The following ANKHD1 variants were observed in gnomAD, a reference collection of about 807,000 sequenced individuals.
ANKHD1 encodes ankyrin repeat and KH domain-containing protein 1.
In ANKHD1, 31 loss-of-function variants were observed where a neutral mutation model predicts 230.5. The ratio of observed to expected loss-of-function variants is 0.13; its 90% CI spans 0.10 to 0.18. ANKHD1 has a LOEUF of 0.18. Among genes scored for constraint, ANKHD1 ranks in the 10% least tolerant of loss-of-function variants. The probability of loss-of-function intolerance (pLI) is 1.00; values close to 1 mark genes in which losing one functional copy is unlikely to be tolerated. For missense variants in ANKHD1, 2,256 were observed against 3,071.3 expected, an observed-to-expected ratio of 0.73 and a Z score of 6.27; for synonymous variants, 1,074 against 1,117.6, an observed-to-expected ratio of 0.96 and a Z score of 0.78.
In ANKHD1 at chr5:140,449,063, T is replaced by C. The variant is rs1295076138; in HGVS notation, c.1148-148T>C. ...GCCTGTATATTGCTTTGAATGGGCTTTGTAAAACTGTTACTGATTTATTTA... is the reference window on the plus strand; with the variant it reads ...GCCTGTATATTGCTTTGAATGGGCTCTGTAAAACTGTTACTGATTTATTTA... On this transcript the variant is annotated intron_variant, in intron 6 of 33. Transcript: ENST00000360839. The C allele has an allele frequency of 4.7e-6, 4 of 852,644 alleles. No individual in the cohort carries two copies. The East Asian group carries it at 1.1e-4, about 24-fold the overall frequency. The allele number at this position is 852,644 out of a possible 1,614,324, so 52.8% of individuals were successfully genotyped here.
At position 140,529,778 on chromosome 5, in the gene ANKHD1, G is replaced by A. The variant is rs1170355259; in HGVS notation, c.6832G>A (p.Val2278Ile). 3.7e-6 allele frequency: 6 copies of A among 1,613,974 alleles called. No homozygotes were observed. The highest frequency in any genetic ancestry group is 2.2e-5 in the East Asian group (1 of 44,884). The part of the protein sequence containing the change: ...APGFRPPSQR[V>I]STSPVGLPSI... ...TGGCTTCAGACCACCTTCCCAGCGA[G>A]TTTCTACTAGTCCAGTTGGTAAGTT... Residue 2278 changes from valine (V) to isoleucine (I), a missense_variant, in exon 29 of 34, where the codon GTT becomes ATT. Physicochemically the swap from Val to Ile is conservative, Grantham distance 29. Around this residue, in one of 13 missense-constraint regions of ANKHD1, gnomAD observed 778 missense variants for 966.5 expected, o/e 0.80. Transcript: ENST00000360839.
At chr5:140,461,318 C>G (rs546738845) in intron 9 of ANKHD1, among the ~76,000 whole-genome samples, 1 of 152,254 alleles carries the variant, frequency 6.6e-6, no homozygotes, top group Admixed American at 6.5e-5. Flanking sequence ...GATTTAGCTC[C>G]TTTTGCTTAT....
intron 1 of ANKHD1, among the ~76,000 whole-genome samples, chr5:140,426,026 A>G (rs10042299): frequency 0.4 from 61,469 of 152,036 alleles, 13,208 homozygotes; most frequent in East Asian, 0.55. Context: ...GGCCTATTCA[A>G]ATATACATAA....
intron 2 of ANKHD1, among the ~76,000 whole-genome samples, chr5:140,436,745 G>GAA (rs1170599052): frequency 3.0e-5 from 3 of 99,978 alleles, no homozygotes; most frequent in Non-Finnish European, 6.3e-5. Flanking sequence ...GACTCCGTCT[G>GAA]AAAAAAAAAA....
At chr5:140,427,448 G>A (rs1189638673) in intron 1 of ANKHD1, among the ~76,000 whole-genome samples, 2 of 131,894 alleles carry the variant, frequency 1.5e-5, no homozygotes, top group Admixed American at 7.3e-5. Context: ...TCTCCCGGAC[G>A]GGGCGGCTGG....
intron 10 of ANKHD1, chr5:140,472,314 G>T (rs751737090): frequency 6.2e-7 from 1 of 1,612,972 alleles, no homozygotes; most frequent in Non-Finnish European, 8.5e-7. Context: ...GGCCTTTGAT[G>T]CTTGTAAGCT....
At chr5:140,475,580 A>AG (rs397748819) in intron 10 of ANKHD1, among the ~76,000 whole-genome samples, 2 of 152,098 alleles carry the variant, frequency 1.3e-5, no homozygotes, top group Non-Finnish European at 2.9e-5. Flanking sequence ...ACTAAAAAAA[A>AG]GGGGGGAAAA....
At chr5:140,524,366 A>G (rs1753504837) in intron 25 of ANKHD1, 126 bp downstream of exon 25, 3 of 1,381,506 alleles carry the variant, frequency 2.2e-6, no homozygotes, top group South Asian at 1.9e-5. Context: ...GAAATGGACA[A>G]TGACTTTTAT....
intron 6 of ANKHD1, among the ~76,000 whole-genome samples, chr5:140,447,939 T>C (rs1774419109): frequency 6.6e-6 from 1 of 152,208 alleles, no homozygotes. Context: ...CATAGTCTTC[T>C]AGTCAGGTAT....
intron 1 of ANKHD1, among the ~76,000 whole-genome samples, chr5:140,419,824 T>C (rs1469603239): frequency 8.0e-6 from 1 of 125,658 alleles, no homozygotes; most frequent in Non-Finnish European, 1.7e-5. Context: ...CTTTCTTTCT[T>C]TCTTTCTTTC....
intron 9 of ANKHD1, among the ~76,000 whole-genome samples, chr5:140,462,760 G>T (rs936523089): frequency 3.3e-4 from 48 of 143,992 alleles, no homozygotes; most frequent in Admixed American, 1.1e-3. Context: ...AAAAATGTTT[G>T]TCTTTTTTTC....
At chr5:140,427,285 A>C (rs1253469320) in intron 1 of ANKHD1, among the ~76,000 whole-genome samples, 1 of 117,228 alleles carries the variant, frequency 8.5e-6, no homozygotes, top group Non-Finnish European at 1.8e-5. Flanking sequence ...TGACCCCCCC[A>C]CCTCCCTCCC....
intron 9 of ANKHD1, among the ~76,000 whole-genome samples, chr5:140,461,395 A>G (rs966882831): frequency 1.3e-5 from 2 of 152,210 alleles, no homozygotes; most frequent in Non-Finnish European, 2.9e-5. Flanking sequence ...TCACTACCTA[A>G]AAGTTTTTTT....
rs1386171705 is a variant in ANKHD1, at chr5:140,496,914, A to G, written c.2640A>G (p.Pro880=). 15 of 1,614,218 alleles carry G rather than the reference A, an allele frequency of 9.3e-6. No individual in the cohort carries two copies. The highest frequency in any genetic ancestry group is 1.1e-5 in the South Asian group (1 of 91,080). ...AGTGCTCTCATAGAGGAGTCTTCCC[A>G]GAAGGGGAAGGAGATGGTAGTCTCC... ...HQQCSHRGVF[P]EGEGDGSLPE... Residue 880 remains proline, a synonymous_variant, in exon 15 of 34, where the codon CCA becomes CCG. Coordinates refer to ENST00000360839, the MANE Select transcript of ANKHD1 (RefSeq NM_017747.3).
At chr5:140,419,454 C>CTTTTTTTTTTTTTTTTTTTTTTTTTT (rs144115557) in intron 1 of ANKHD1, among the ~76,000 whole-genome samples, 2 of 131,604 alleles carry the variant, frequency 1.5e-5, no homozygotes, top group Admixed American at 7.7e-5. Flanking sequence ...TTCTTTCTTT[C>CTTTTTTTTTTTTTTTTTTTTTTTTTT]TTTTTTTTTT....
chr5:140,507,371 G>A lies in ANKHD1; in HGVS notation c.3551+394G>A, dbSNP rs1248447945. Among the ~76,000 whole-genome samples the A allele has an allele frequency of 2.0e-5, 3 of 152,208 alleles. No homozygotes were observed. The highest frequency in any genetic ancestry group is 1.9e-4 in the East Asian group (1 of 5,202). Reference sequence around the variant, plus strand: ...TGCCCAGGCTGGAATGCAATGGCGCGATCTTGGCTTACCGCGAACTCTGCC... The same window carrying A: ...TGCCCAGGCTGGAATGCAATGGCGCAATCTTGGCTTACCGCGAACTCTGCC... On this transcript the variant is annotated intron_variant, in intron 19 of 33. Coordinates refer to ENST00000360839, the MANE Select transcript of ANKHD1 (RefSeq NM_017747.3). The surrounding 1 kb of genome is among the most constrained non-coding windows in gnomAD (Gnocchi z 4.1).
chr5:140,415,485 C>CTGGA (rs1227735901), intron 1 of ANKHD1, among the ~76,000 whole-genome samples: 2 of 142,574 alleles, frequency 1.4e-5, no homozygotes, highest in African/African-American at 5.2e-5. Context: ...GTCGCCCAGG[C>CTGGA]TGGAGTACAA....
At position 140,527,785 on chromosome 5, in the gene ANKHD1, A is replaced by T; in HGVS notation, c.5088-88A>T. The T allele has an allele frequency of 7.3e-7, 1 of 1,362,802 alleles. No individual in the cohort carries two copies. Among genetic ancestry groups the T allele is most frequent in the Non-Finnish European group, 9.6e-7 (1 of 1,044,250 alleles). The allele number at this position is 1,362,802 out of a possible 1,614,324, so 84.4% of individuals were successfully genotyped here. The stretch of plus-strand genomic sequence containing the variant: ...AGCATTTAAGAAATGTTATTCTCCA[A>T]AATGTCCATGAACATACTTACTAAG... On this transcript the variant is annotated intron_variant, in intron 27 of 33. Coordinates refer to ENST00000360839, the MANE Select transcript of ANKHD1 (RefSeq NM_017747.3). The surrounding 1 kb of genome is among the most constrained non-coding windows in gnomAD (Gnocchi z 4.5).
At chr5:140,437,677 G>A (rs1324264802) in intron 2 of ANKHD1, among the ~76,000 whole-genome samples, 1 of 152,234 alleles carries the variant, frequency 6.6e-6, no homozygotes, top group Non-Finnish European at 1.5e-5. Context: ...CTGCACTTCA[G>A]TCTGGGTGAC....
Sources: allele counts gnomAD v4.1 joint callset (sites outside exome capture counted in the v4.1 genomes callset), GRCh38; gene constraint gnomAD v4.1.1; regional missense constraint gnomAD v4.1.1; non-coding constraint Gnocchi (gnomAD v3.1); transcripts MANE v1.5; gene names NCBI Gene and HGNC (gene_info 2026-07-23, HGNC 2026-07-21).